Variants in NBAS observed in about 807,000 individuals in gnomAD.
NBAS encodes the protein NBAS subunit of NRZ tethering complex, also known as NAG/BC035112 fusion.
NBAS carries 219 observed loss-of-function variants against 302.5 expected under a neutral mutation model. That is an observed-to-expected ratio of 0.72 (90% CI 0.65 to 0.81). The LOEUF is 0.81. Among genes scored for constraint, NBAS ranks in the 30% least tolerant of loss-of-function variants. The pLI, the probability that NBAS is intolerant of heterozygous loss-of-function variation, is 0.00. For missense variants in NBAS, 2,932 were observed against 2,841.6 expected (o/e 1.03, Z -0.72); for synonymous variants, 1,118 against 1,021.6 (o/e 1.09, Z -1.80).
At chr2:15,330,948 C>T (rs1672314703) in intron 35 of NBAS, among the ~76,000 whole-genome samples, 183 bp from the exon 36 acceptor site, 1 of 152,050 alleles carries the variant, frequency 6.6e-6, no homozygotes, top group Non-Finnish European at 1.5e-5. Flanking sequence ...CATATTGTTC[C>T]TCTCTCAATC....
At chr2:14,850,950 A>G in the NBAS span, among the ~76,000 whole-genome samples, 1 of 138,928 alleles carries the variant, frequency 7.2e-6, no homozygotes, top group Non-Finnish European at 1.5e-5. Flanking sequence ...GGAAATTTAT[A>G]GCACTAAATG....
intron 18 of NBAS, 116 bp from the exon 19 acceptor site, chr2:15,467,523 A>G: frequency 7.8e-7 from 1 of 1,286,984 alleles, no homozygotes. Flanking sequence ...CAGTTCAGAA[A>G]AGCACAAGGG....
chr2:14,827,344 T>C, the NBAS span, among the ~76,000 whole-genome samples: 3 of 152,238 alleles, frequency 2.0e-5, no homozygotes, highest in South Asian at 4.1e-4. Context: ...CATGTTTTGA[T>C]TTTAGATACA....
chr2:15,344,702 A>G (rs1673009163), intron 35 of NBAS, among the ~76,000 whole-genome samples: 1 of 152,196 alleles, frequency 6.6e-6, no homozygotes, highest in Admixed American at 6.5e-5. Flanking sequence ...GTGCAGAGAC[A>G]CAACAAACAA....
the NBAS span, among the ~76,000 whole-genome samples, chr2:15,103,819 G>A: frequency 6.6e-6 from 1 of 152,122 alleles, no homozygotes; most frequent in Non-Finnish European, 1.5e-5. Context: ...GGTCTGTGTA[G>A]CTTACTTCTA....
chr2:15,557,314 T>C (rs1017960893), intron 2 of NBAS, among the ~76,000 whole-genome samples: 3 of 152,170 alleles, frequency 2.0e-5, no homozygotes, highest in Admixed American at 6.5e-5. Flanking sequence ...AATGTACATG[T>C]ATGTGTGTAC....
At chr2:14,866,071 T>TG in the NBAS span, among the ~76,000 whole-genome samples, 7 of 152,190 alleles carry the variant, frequency 4.6e-5, no homozygotes, top group South Asian at 2.1e-4. Flanking sequence ...ATGCTTTATC[T>TG]GATTGGCAAA....
In NBAS at chr2:15,422,464, CTG is replaced by C. The variant is rs539068119; in HGVS notation, c.2577+1849_2577+1850del. Among the ~76,000 whole-genome samples, 430 of 152,016 alleles carry C rather than the reference CTG, an allele frequency of 2.8e-3. 2 individuals are homozygous for C. The highest frequency in any genetic ancestry group is 0.01 in the Middle Eastern group (3 of 292). The stretch of plus-strand genomic sequence containing the variant: ...TGAGTGGGGGGAGCAATATGGGACT[CTG>C]TATTTCCTACCCAATTTTTCTGCAA... On this transcript the variant is annotated intron_variant, in intron 23 of 51. Transcript: ENST00000281513.
chr2:15,105,435 G>A, the NBAS span, among the ~76,000 whole-genome samples: 264 of 149,182 alleles, frequency 1.8e-3, 3 homozygotes, highest in Middle Eastern at 0.011. Flanking sequence ...TAATTATTAC[G>A]AATAAAACCA....
At chr2:14,891,419 C>T in the NBAS span, among the ~76,000 whole-genome samples, 1 of 151,920 alleles carries the variant, frequency 6.6e-6, no homozygotes, top group African/African-American at 2.4e-5. Flanking sequence ...CATATAGGTA[C>T]CTCATTCTGA....
chr2:15,473,093 GAA>G lies in NBAS; in HGVS notation c.1725+127_1725+128del, dbSNP rs1185687812. 22 of 1,083,780 alleles carry G rather than the reference GAA, an allele frequency of 2.0e-5. No individual in the cohort carries two copies. In the African/African-American group the frequency reaches 3.5e-4, roughly 17 times the overall value. The allele number at this position is 1,083,780 out of a possible 1,614,324, so 67.1% of individuals were successfully genotyped here. Reference sequence around the variant, plus strand: ...ACAAAAAGACCATTTTTCCAGCTGAGAAAATTGTACTTCATTGGCTGTATTAT... The same window carrying G: ...ACAAAAAGACCATTTTTCCAGCTGAGAATTGTACTTCATTGGCTGTATTAT... On this transcript the variant is annotated intron_variant, in intron 16 of 51. Transcript: ENST00000281513.
chr2:15,415,736 G>A lies in NBAS; in HGVS notation c.2764-17C>T, dbSNP rs370729900. On this transcript the variant is annotated splice_polypyrimidine_tract_variant and intron_variant, in intron 24 of 51. Coordinates refer to ENST00000281513, the MANE Select transcript of NBAS (RefSeq NM_015909.4). ...CTCAGAACACTGAAAGTACAATCAA[G>A]CAAAACAGACAAACAAGAATGAAGT... 5.8e-5 allele frequency: 94 copies of A among 1,613,752 alleles called. No individual in the cohort carries two copies. In the African/African-American group the frequency reaches 1.1e-3, roughly 19 times the overall value.
chr2:15,538,559 G>A (rs1430326015), intron 7 of NBAS, among the ~76,000 whole-genome samples: 2 of 152,082 alleles, frequency 1.3e-5, no homozygotes, highest in South Asian at 2.1e-4. Context: ...AAGCTCCCCA[G>A]GTGATTCTAA....
chr2:14,972,543 T>C, the NBAS span, among the ~76,000 whole-genome samples: 1 of 152,202 alleles, frequency 6.6e-6, no homozygotes, highest in African/African-American at 2.4e-5. Flanking sequence ...GCCATACATA[T>C]GAAATTAACC....
chr2:14,873,907 A>G, the NBAS span, among the ~76,000 whole-genome samples: 5 of 152,150 alleles, frequency 3.3e-5, no homozygotes, highest in Non-Finnish European at 7.4e-5. Flanking sequence ...GAATGGGAAA[A>G]TAAGAGCAAA....
chr2:15,280,181 T>C (rs1001204385), intron 42 of NBAS, among the ~76,000 whole-genome samples: 1 of 152,202 alleles, frequency 6.6e-6, no homozygotes, highest in East Asian at 1.9e-4. Context: ...CTTCCAGATG[T>C]CAGTCACCCA....
chr2:14,909,184 G>A, the NBAS span, among the ~76,000 whole-genome samples: 1 of 151,846 alleles, frequency 6.6e-6, no homozygotes, highest in African/African-American at 2.4e-5. Context: ...GCCGGGCATG[G>A]TGGCGGGCAT....
At chr2:15,163,797 C>CTTT (rs34305039), downstream of NBAS, among the ~76,000 whole-genome samples, 1,283 of 143,390 alleles carry the variant, frequency 8.9e-3, 11 homozygotes, top group African/African-American at 0.015. Context: ...AGTATTACAA[C>CTTT]TTTTTTTTTT....
chr2:15,217,379 G>C (rs1234813442), intron 48 of NBAS, among the ~76,000 whole-genome samples: 1 of 152,180 alleles, frequency 6.6e-6, no homozygotes, highest in Non-Finnish European at 1.5e-5. Context: ...ATCTCACAGA[G>C]GGAAATAAGA....
Sources: allele counts gnomAD v4.1 joint callset (sites outside exome capture counted in the v4.1 genomes callset), GRCh38; gene constraint gnomAD v4.1.1; transcripts MANE v1.5; gene names NCBI Gene and HGNC (gene_info 2026-07-23, HGNC 2026-07-21).